ETF1: variants seen among roughly 807,000 people sequenced by gnomAD.
ETF1 encodes the protein eukaryotic peptide chain release factor subunit 1.
Under a neutral mutation model 55.1 loss-of-function variants are expected in ETF1, and 4 were observed. The ratio of observed to expected loss-of-function variants is 0.07; its 90% CI spans 0.04 to 0.17. The LOEUF (loss-of-function observed/expected upper bound fraction) is 0.17, where lower values mean the gene tolerates loss of function less well. Ranked by LOEUF, ETF1 falls within the 10% of genes least tolerant of loss-of-function variation. The pLI, the probability that ETF1 is intolerant of heterozygous loss-of-function variation, is 1.00. For synonymous variants in ETF1, 157 were observed against 182.3 expected (o/e 0.86, Z 1.12); for missense variants, 142 against 523.6 (o/e 0.27, Z 7.11).
chr5:138,519,209 C>A, intron 2 of ETF1: 1 of 984,758 alleles, frequency 1.0e-6, no homozygotes, highest in African/African-American at 1.7e-5. Flanking sequence ...TGAATCTGTC[C>A]GTGGGAGAGC....
At chr5:138,517,875 C>A (rs1375325673) in intron 3 of ETF1, 175 bp from the exon 4 acceptor site, 3 of 985,130 alleles carry the variant, frequency 3.0e-6, no homozygotes, top group Non-Finnish European at 3.6e-6. Flanking sequence ...TTTAAAACTT[C>A]TTCTGAGACG....
intron 2 of ETF1, chr5:138,541,514 C>T (rs1221650571): frequency 6.5e-7 from 1 of 1,531,428 alleles, no homozygotes; most frequent in Non-Finnish European, 8.7e-7. Context: ...ACTAGTAAAA[C>T]CAACCTGTGA....
At chr5:138,509,530 T>C (rs943088793) in intron 9 of ETF1, among the ~76,000 whole-genome samples, 2 of 151,798 alleles carry the variant, frequency 1.3e-5, no homozygotes, top group Non-Finnish European at 2.9e-5. Context: ...GGAAAACCAA[T>C]GTAGGAGGAT....
intron 2 of ETF1, among the ~76,000 whole-genome samples, chr5:138,524,066 A>G (rs1765350989): frequency 6.6e-6 from 1 of 152,088 alleles, no homozygotes; most frequent in South Asian, 2.1e-4. Context: ...CATGCCTGTA[A>G]TCCCAGCTAC....
intron 2 of ETF1, among the ~76,000 whole-genome samples, chr5:138,521,292 G>C (rs1416223065): frequency 1.3e-5 from 2 of 152,184 alleles, no homozygotes; most frequent in Admixed American, 6.6e-5. Context: ...CATAGAGACA[G>C]AGAGTAGAAA....
chr5:138,508,837 T>TA (rs1203451555), intron 9 of ETF1, 21 bp from the exon 10 acceptor site: 9 of 1,607,570 alleles, frequency 5.6e-6, no homozygotes, highest in Non-Finnish European at 7.6e-6. Context: ...GACCATGAGA[T>TA]ACAAAAATGG....
intron 2 of ETF1, among the ~76,000 whole-genome samples, chr5:138,530,752 G>A (rs1023389529): frequency 5.3e-5 from 8 of 150,498 alleles, no homozygotes; most frequent in African/African-American, 1.2e-4. Context: ...TTTAGTAGAG[G>A]CAGGGTTTCA....
rs1460585369 is a variant in ETF1, at chr5:138,508,737, G to A, written c.1163C>T (p.Thr388Met). 1.2e-6 allele frequency: 2 copies of A among 1,613,618 alleles called. No homozygotes were observed. Among genetic ancestry groups the A allele is most frequent in the South Asian group, 1.1e-5 (1 of 91,056 alleles). The change falls in exon 10 of 11, where the codon ACG becomes ATG. Residue 388 changes from threonine (T) to methionine (M), a missense_variant. Thr to Met is a moderately conservative substitution (Grantham distance 81). Coordinates refer to ENST00000360541, the MANE Select transcript of ETF1 (RefSeq NM_004730.4). ...FANNYKKFGA[T>M]LEIVTDKSQE... The stretch of plus-strand genomic sequence containing the variant: ...TGATTTATCTGTGACAATTTCCAAC[G>A]TAGCTCCAAATTTTTTATAGTTGTT...
intron 2 of ETF1, among the ~76,000 whole-genome samples, chr5:138,534,078 C>T (rs1378916478): frequency 1.3e-5 from 2 of 152,110 alleles, no homozygotes; most frequent in Non-Finnish European, 2.9e-5. Context: ...GATGCTATTA[C>T]CAAATGGGAG....
At chr5:138,519,061 T>C (rs944052649) in intron 2 of ETF1, 194 bp from the exon 3 acceptor site, 2 of 984,492 alleles carry the variant, frequency 2.0e-6, no homozygotes, top group African/African-American at 3.5e-5. Context: ...GTTCAGAATC[T>C]AGTGCTCAAT....
At chr5:138,542,694 G>A in intron 2 of ETF1, 139 bp downstream of exon 2, 1 of 1,486,746 alleles carries the variant, frequency 6.7e-7, no homozygotes, top group Non-Finnish European at 8.9e-7. Context: ...CCCTGGGTCA[G>A]GGGCTACTAC....
At chr5:138,511,231 T>C (rs369206019) in intron 7 of ETF1, 31 bp from the exon 8 acceptor site, 160 of 1,606,446 alleles carry the variant, frequency 1.0e-4, no homozygotes, top group Non-Finnish European at 1.3e-4. Context: ...ACAGGATATA[T>C]ATTAAAGTTT....
At chr5:138,532,352 G>A (rs1376914092) in intron 2 of ETF1, among the ~76,000 whole-genome samples, 7 of 152,308 alleles carry the variant, frequency 4.6e-5, no homozygotes, top group African/African-American at 1.4e-4. Context: ...CTTAATGGCC[G>A]TGTGACCGAA....
intron 2 of ETF1, among the ~76,000 whole-genome samples, chr5:138,519,750 G>A (rs865863836): frequency 2.0e-5 from 3 of 151,990 alleles, no homozygotes; most frequent in South Asian, 2.1e-4. Flanking sequence ...ATTAAAAGGA[G>A]GAATGACTGA....
intron 6 of ETF1, among the ~76,000 whole-genome samples, chr5:138,512,328 G>A (rs192690760): frequency 2.4e-4 from 33 of 134,848 alleles, no homozygotes; most frequent in African/African-American, 7.6e-4. Flanking sequence ...TCCAGATCTT[G>A]AAAGTGTATT....
At position 138,511,127 on chromosome 5, in the gene ETF1, C is replaced by T. The variant is rs1764756748; in HGVS notation, c.936G>A (p.Leu312=). 6.2e-7 allele frequency: 1 copy of T among 1,614,052 alleles called. No homozygotes were observed. The highest frequency in any genetic ancestry group is 8.5e-7 in the Non-Finnish European group (1 of 1,179,962). Residue 312 remains leucine (L), a synonymous_variant, in exon 8 of 11, where the codon TTG becomes TTA. Transcript: ENST00000360541. The part of the protein sequence containing the change: ...CFGVEDTLKA[L]EMGAVEILIV... ...TTAGAATTTCTACAGCTCCCATTTC[C>T]AAAGCCTTTAGTGTATCTTCAACGC...
intron 2 of ETF1, among the ~76,000 whole-genome samples, chr5:138,534,517 T>A (rs1020451256): frequency 1.1e-4 from 17 of 152,252 alleles, no homozygotes; most frequent in African/African-American, 4.1e-4. Context: ...ACAAGTTATT[T>A]CTCTCTCCAC....
At chr5:138,512,004 G>T in intron 6 of ETF1, 1 of 455,254 alleles carries the variant, frequency 2.2e-6, no homozygotes, top group Non-Finnish European at 2.9e-6. Context: ...TCTGAGACCA[G>T]CCTAGGCAAC....
chr5:138,510,854 C>A (rs1764747714), intron 8 of ETF1, 191 bp downstream of exon 8: 1 of 825,726 alleles, frequency 1.2e-6, no homozygotes, highest in African/African-American at 1.9e-5. Flanking sequence ...GCAGATGTAA[C>A]AATCTTAAGC....
Sources: allele counts gnomAD v4.1 joint callset (sites outside exome capture counted in the v4.1 genomes callset), GRCh38; gene constraint gnomAD v4.1.1; transcripts MANE v1.5; gene names NCBI Gene and HGNC (gene_info 2026-07-23, HGNC 2026-07-21).